Variants in STXBP5L observed in about 807,000 individuals in gnomAD.
STXBP5L encodes syntaxin binding protein 5L.
Under a neutral mutation model 144.5 loss-of-function variants are expected in STXBP5L, and 65 were observed. The ratio of observed to expected loss-of-function variants is 0.45; its 90% CI spans 0.37 to 0.55. The LOEUF is 0.55. Ranked by LOEUF, STXBP5L falls within the 20% of genes least tolerant of loss-of-function variation. The pLI is 0.00. For missense variants in STXBP5L, 1,298 were observed against 1,405.5 expected (o/e 0.92, Z 1.22); for synonymous variants, 505 against 469.6 (o/e 1.08, Z -0.97).
At chr3:121,393,669 A>G (rs1200855529) in intron 22 of STXBP5L, among the ~76,000 whole-genome samples, 2 of 152,088 alleles carry the variant, frequency 1.3e-5, no homozygotes, top group East Asian at 3.8e-4. Context: ...ATTTTTGCAG[A>G]ACCATTTATT....
At chr3:121,095,718 G>T (rs1360984188) in intron 5 of STXBP5L, among the ~76,000 whole-genome samples, 1 of 151,974 alleles carries the variant, frequency 6.6e-6, no homozygotes, top group Non-Finnish European at 1.5e-5. Context: ...TAACTTCTTT[G>T]CGATGGGTTC....
chr3:121,130,113 T>C (rs1347009456), intron 7 of STXBP5L, among the ~76,000 whole-genome samples: 1 of 152,132 alleles, frequency 6.6e-6, no homozygotes, highest in Non-Finnish European at 1.5e-5. Context: ...GTAGTGTTTG[T>C]CTCCTAAGTC....
chr3:121,271,634 A>G (rs2050736932), intron 18 of STXBP5L, among the ~76,000 whole-genome samples: 1 of 152,184 alleles, frequency 6.6e-6, no homozygotes, highest in African/African-American at 2.4e-5. Context: ...ATTTTGAAGT[A>G]GCTTATCAAT....
chr3:121,346,311 A>G (rs565733306), intron 20 of STXBP5L, among the ~76,000 whole-genome samples: 4 of 152,222 alleles, frequency 2.6e-5, no homozygotes, highest in Admixed American at 2.0e-4. Context: ...ATAGTATTCC[A>G]TGGTGTATAT....
chr3:121,419,300 G>T lies in STXBP5L; in HGVS notation c.*203G>T, dbSNP rs1472283908. Reference sequence around the variant, plus strand: ...GCCCTGGTTAAAATCCCAAAATACGGCTGAATTTGCCTTTTCCCATGTGGA... The same window carrying T: ...GCCCTGGTTAAAATCCCAAAATACGTCTGAATTTGCCTTTTCCCATGTGGA... On this transcript the variant is annotated 3_prime_UTR_variant, in exon 27 of 27. Transcript: ENST00000471454. 1 of 476,624 alleles carries T rather than the reference G, an allele frequency of 2.1e-6. No individual in the cohort carries two copies. Among genetic ancestry groups the T allele is most frequent in the Non-Finnish European group, 3.6e-6 (1 of 277,082 alleles). The allele number at this position is 476,624 out of a possible 1,614,324, so 29.5% of individuals were successfully genotyped here.
intron 3 of STXBP5L, among the ~76,000 whole-genome samples, chr3:120,986,308 A>G (rs2107919686): frequency 6.6e-6 from 1 of 152,054 alleles, no homozygotes; most frequent in East Asian, 1.9e-4. Flanking sequence ...GGCCTAACGT[A>G]TGATCTGTCC....
intron 9 of STXBP5L, among the ~76,000 whole-genome samples, chr3:121,166,127 C>T (rs1254166269): frequency 6.6e-6 from 1 of 151,994 alleles, no homozygotes; most frequent in Non-Finnish European, 1.5e-5. Flanking sequence ...GTGATACTCC[C>T]TCCTGAGTAG....
chr3:121,299,003 A>T (rs1363384604), intron 19 of STXBP5L, among the ~76,000 whole-genome samples: 1 of 152,176 alleles, frequency 6.6e-6, no homozygotes, highest in Non-Finnish European at 1.5e-5. Flanking sequence ...ACCTTTGTGA[A>T]GTCAGTGTAG....
chr3:121,123,403 A>T (rs1012541509), intron 7 of STXBP5L, among the ~76,000 whole-genome samples: 2 of 151,720 alleles, frequency 1.3e-5, no homozygotes, highest in African/African-American at 4.8e-5. Flanking sequence ...CTCTTAATAG[A>T]ATATTGAATA....
Position 121,053,483 on chromosome 3 carries a change from A to C in STXBP5L, c.470+7948A>C, listed in dbSNP as rs957884387. 1.4e-4 allele frequency among the ~76,000 whole-genome samples: 22 copies of C among 152,288 alleles called. No homozygotes were observed. In the East Asian group the frequency reaches 1.5e-3, roughly 11 times the overall value. On this transcript the variant is annotated intron_variant, in intron 5 of 26. Coordinates refer to ENST00000471454, the MANE Select transcript of STXBP5L (RefSeq NM_001308330.2). ...CTTTGCCAAACCTGACAAAAACAAG[A>C]AATGGGGAAAGGATTCCCTATTTAA...
chr3:120,963,575 T>C (rs1308437796), intron 3 of STXBP5L, among the ~76,000 whole-genome samples: 2 of 152,330 alleles, frequency 1.3e-5, no homozygotes, highest in South Asian at 4.1e-4. Flanking sequence ...GGATTATGTT[T>C]ATTGATTTGC....
At position 121,381,516 on chromosome 3, in the gene STXBP5L, CATGGTA is replaced by C. The variant is rs1339272466; in HGVS notation, c.2572_2577del (p.Met858_Val859del). ...ATGAACAAAGGTTTACAGAGCCAGT[CATGGTA>C]TTGCCAAGTGGTAAGAGTTTGTATT... On this transcript the variant is annotated inframe_deletion, in exon 22 of 27. Coordinates refer to ENST00000471454, the MANE Select transcript of STXBP5L (RefSeq NM_001308330.2). The C allele has an allele frequency of 3.1e-6, 5 of 1,592,378 alleles. No individual in the cohort carries two copies. Among genetic ancestry groups the C allele is most frequent in the Non-Finnish European group, 4.3e-6 (5 of 1,174,058 alleles).
At chr3:121,112,529 T>C (rs1018515275) in intron 5 of STXBP5L, among the ~76,000 whole-genome samples, 2 of 151,950 alleles carry the variant, frequency 1.3e-5, no homozygotes, top group African/African-American at 4.8e-5. Context: ...CGGGATTCAC[T>C]TGCAGTTTTC....
At chr3:121,187,829 A>T (rs1281638586) in intron 9 of STXBP5L, among the ~76,000 whole-genome samples, 4 of 152,034 alleles carry the variant, frequency 2.6e-5, no homozygotes, top group Non-Finnish European at 5.9e-5. Context: ...TAGGCTCAAA[A>T]TAAAGGGATG....
intron 22 of STXBP5L, among the ~76,000 whole-genome samples, chr3:121,404,082 T>C (rs576971982): frequency 2.0e-5 from 3 of 152,268 alleles, no homozygotes; most frequent in Admixed American, 6.5e-5. Context: ...CTATTTGATA[T>C]CCATTTGGAT....
At chr3:121,380,858 C>T (rs180993809) in intron 21 of STXBP5L, among the ~76,000 whole-genome samples, 60 of 152,202 alleles carry the variant, frequency 3.9e-4, no homozygotes, top group African/African-American at 1.2e-3. Flanking sequence ...TCATGCCAAT[C>T]GCCACAGTAT....
At chr3:121,110,250 T>A (rs2107810440) in intron 5 of STXBP5L, among the ~76,000 whole-genome samples, 1 of 152,368 alleles carries the variant, frequency 6.6e-6, no homozygotes, top group East Asian at 1.9e-4. Context: ...CCAGTCATCA[T>A]GATGCCAACT....
At chr3:121,292,845 G>C (rs1037990318) in intron 19 of STXBP5L, among the ~76,000 whole-genome samples, 2 of 152,152 alleles carry the variant, frequency 1.3e-5, no homozygotes, top group Non-Finnish European at 2.9e-5. Flanking sequence ...AGGCTGCAAA[G>C]GCATAAGAAT....
intron 9 of STXBP5L, among the ~76,000 whole-genome samples, chr3:121,179,149 G>A (rs2047044555): frequency 6.6e-6 from 1 of 151,796 alleles, no homozygotes; most frequent in African/African-American, 2.4e-5. Flanking sequence ...TGGAGAAAAA[G>A]AAAATAAATA....
Sources: allele counts gnomAD v4.1 joint callset (sites outside exome capture counted in the v4.1 genomes callset), GRCh38; gene constraint gnomAD v4.1.1; transcripts MANE v1.5; gene names NCBI Gene and HGNC (gene_info 2026-07-23, HGNC 2026-07-21).